TMEM132C: variants seen among roughly 807,000 people sequenced by gnomAD.
The protein encoded by TMEM132C is protein phosphatase 1, regulatory subunit 152.
In TMEM132C, 29 loss-of-function variants were observed where a neutral mutation model predicts 61.4. The observed-to-expected ratio is 0.47, with a 90% CI of 0.35 to 0.64. The LOEUF (loss-of-function observed/expected upper bound fraction) is 0.64. Ranked by LOEUF, TMEM132C falls within the 30% of genes least tolerant of loss-of-function variation. The probability of loss-of-function intolerance (pLI) is 0.00; values close to 1 mark genes in which losing one functional copy is unlikely to be tolerated. For missense variants in TMEM132C, 1,408 were observed against 1,476.9 expected (o/e 0.95, Z 0.76); for synonymous variants, 656 against 633.1 (o/e 1.04, Z -0.54).
intron 2 of TMEM132C, among the ~76,000 whole-genome samples, chr12:128,504,610 C>A (rs1277471000): frequency 6.6e-6 from 1 of 152,084 alleles, no homozygotes; most frequent in African/African-American, 2.4e-5. Flanking sequence ...CACTTTCTCT[C>A]TGTGTCTTCA....
At position 128,326,926 on chromosome 12, in the gene TMEM132C, C is replaced by T. The variant is rs149130879; in HGVS notation, c.85+59439C>T. Among the ~76,000 whole-genome samples the T allele has an allele frequency of 4.0e-5, 6 of 149,876 alleles. No homozygotes were observed. Among genetic ancestry groups the T allele is most frequent in the East Asian group, 1.9e-4 (1 of 5,166 alleles). ...TAATTCTGGGAAGCTCAAGATTAGC[C>T]GTGTCGTAGGGGGAAAATGTTAGAA... On this transcript the variant is annotated intron_variant, in intron 1 of 8. Transcript: ENST00000435159. This position sits in a 1 kb window ranked among gnomAD's most constrained non-coding sequence, Gnocchi z 5.6.
intron 4 of TMEM132C, among the ~76,000 whole-genome samples, chr12:128,638,995 ATGGTGG>A (rs1160224318): frequency 7.8e-5 from 9 of 114,752 alleles, no homozygotes; most frequent in Non-Finnish European, 1.7e-4. Context: ...GGTGATGGTG[ATGGTGG>A]TGATGATGAT....
At chr12:128,632,241 A>G (rs1003887275) in intron 4 of TMEM132C, among the ~76,000 whole-genome samples, 2 of 150,058 alleles carry the variant, frequency 1.3e-5, no homozygotes, top group Admixed American at 1.3e-4. Context: ...AGAGGCTAAC[A>G]GCCCTCACCA....
intron 2 of TMEM132C, among the ~76,000 whole-genome samples, chr12:128,524,937 G>A (rs955275577): frequency 1.3e-5 from 2 of 152,192 alleles, no homozygotes; most frequent in African/African-American, 2.4e-5. Flanking sequence ...TGAGGAGTGG[G>A]ATAGAAGACT....
intron 3 of TMEM132C, among the ~76,000 whole-genome samples, chr12:128,545,358 G>C (rs530877462): frequency 6.6e-6 from 1 of 152,252 alleles, no homozygotes; most frequent in East Asian, 1.9e-4. Flanking sequence ...AGATTTTCTT[G>C]ATCCAGTTCA....
At chr12:128,541,522 T>C (rs2136145537) in intron 2 of TMEM132C, among the ~76,000 whole-genome samples, 1 of 152,264 alleles carries the variant, frequency 6.6e-6, no homozygotes, top group Non-Finnish European at 1.5e-5. Context: ...AGTCACCTCC[T>C]TAGTGCACAA....
At chr12:128,644,219 G>A (rs1954179021) in intron 4 of TMEM132C, among the ~76,000 whole-genome samples, 1 of 152,204 alleles carries the variant, frequency 6.6e-6, no homozygotes, top group South Asian at 2.1e-4. Context: ...TGAAATGTAT[G>A]CTTGTCATAC....
intron 1 of TMEM132C, among the ~76,000 whole-genome samples, chr12:128,272,044 T>TA (rs1333637857): frequency 6.6e-6 from 1 of 152,246 alleles, no homozygotes; most frequent in Non-Finnish European, 1.5e-5. Flanking sequence ...TATTAAAGTG[T>TA]AATTTGCACA....
rs1360227750 is a variant in TMEM132C at position 128,389,913 on chromosome 12, C to T, written c.86-24819C>T. On this transcript the variant is annotated intron_variant, in intron 1 of 8. Coordinates refer to ENST00000435159, the MANE Select transcript of TMEM132C (RefSeq NM_001136103.3). ...GTTTTGTGTGTGGCAAGGTCTTGTT[C>T]TGTCACCCATGCTGACGTGCAGTGG... Among the ~76,000 whole-genome samples, 11 of 152,198 alleles carry T rather than the reference C, an allele frequency of 7.2e-5. 1 individual carries two copies. Among genetic ancestry groups the T allele is most frequent in the Admixed American group, 6.5e-4 (10 of 15,278 alleles).
At chr12:128,435,526 T>C (rs1034191489) in intron 2 of TMEM132C, among the ~76,000 whole-genome samples, 1 of 152,174 alleles carries the variant, frequency 6.6e-6, no homozygotes, top group Non-Finnish European at 1.5e-5. Context: ...AGCCAAATCA[T>C]GTGTGAACCC....
Position 128,691,722 on chromosome 12 carries a change from T to A in TMEM132C, c.1450-2107T>A, listed in dbSNP as rs545875254. Among the ~76,000 whole-genome samples, 1,093 of 152,222 alleles carry A rather than the reference T, an allele frequency of 7.2e-3. 12 individuals are homozygous for A. Among genetic ancestry groups the A allele is most frequent in the African/African-American group, 0.025 (1,044 of 41,506 alleles). ...GTCCATCCACCCATCAGTTCATCTA[T>A]CTATCCAGCTGTCTACCCATTTGTC... On this transcript the variant is annotated intron_variant, in intron 5 of 8. Transcript: ENST00000435159.
chr12:128,664,803 C>G (rs570576103), intron 4 of TMEM132C, among the ~76,000 whole-genome samples: 1 of 152,112 alleles, frequency 6.6e-6, no homozygotes, highest in African/African-American at 2.4e-5. Context: ...CTTGGTCCCG[C>G]GGGGGTTTAG....
At chr12:128,273,213 G>A (rs187188672) in intron 1 of TMEM132C, among the ~76,000 whole-genome samples, 45 of 152,062 alleles carry the variant, frequency 3.0e-4, no homozygotes, top group African/African-American at 7.7e-4. Context: ...GACAGCTTTC[G>A]TTTCATGTAT....
At chr12:128,566,375 G>A (rs1020837077) in intron 3 of TMEM132C, among the ~76,000 whole-genome samples, 2 of 152,118 alleles carry the variant, frequency 1.3e-5, no homozygotes, top group African/African-American at 2.4e-5. Flanking sequence ...TTGTTTGGGG[G>A]AGGTTTTCCT....
At chr12:128,542,859 CAAAAAAAA>C (rs59362697) in intron 2 of TMEM132C, among the ~76,000 whole-genome samples, 31 of 81,554 alleles carry the variant, frequency 3.8e-4, no homozygotes, top group African/African-American at 5.6e-4. Context: ...TACTTCGATG[CAAAAAAAA>C]AAAAAAAAAA....
intron 2 of TMEM132C, among the ~76,000 whole-genome samples, chr12:128,513,815 A>G (rs1042264954): frequency 1.2e-4 from 18 of 152,208 alleles, no homozygotes; most frequent in Non-Finnish European, 4.4e-5. Flanking sequence ...CCTCACATGC[A>G]CGATCAGCAG....
At chr12:128,557,590 A>C (rs1388523982) in intron 3 of TMEM132C, among the ~76,000 whole-genome samples, 1 of 152,152 alleles carries the variant, frequency 6.6e-6, no homozygotes, top group East Asian at 1.9e-4. Flanking sequence ...CAAACTGGAC[A>C]CTAGAGCAGG....
chr12:128,417,190 T>C (rs1868810842), intron 2 of TMEM132C, among the ~76,000 whole-genome samples: 1 of 152,142 alleles, frequency 6.6e-6, no homozygotes, highest in African/African-American at 2.4e-5. Flanking sequence ...GAGTTTCAGA[T>C]CAATCATGAA....
chr12:128,678,323 G>A (rs960251248), intron 5 of TMEM132C, among the ~76,000 whole-genome samples: 9 of 152,180 alleles, frequency 5.9e-5, no homozygotes, highest in African/African-American at 1.2e-4. Flanking sequence ...TTGCCCTACC[G>A]TAGCCCCTTT....
Sources: allele counts gnomAD v4.1 joint callset (sites outside exome capture counted in the v4.1 genomes callset), GRCh38; gene constraint gnomAD v4.1.1; non-coding constraint Gnocchi (gnomAD v3.1); transcripts MANE v1.5; gene names NCBI Gene and HGNC (gene_info 2026-07-23, HGNC 2026-07-21).